NALCN: variants seen among roughly 807,000 people sequenced by gnomAD.
The protein encoded by NALCN is sodium leak channel NALCN.
NALCN carries 111 observed loss-of-function variants against 225.3 expected under a neutral mutation model. That is an observed-to-expected ratio of 0.49 (90% CI 0.42 to 0.58). The LOEUF (loss-of-function observed/expected upper bound fraction) is 0.58, where lower values mean the gene tolerates loss of function less well. Ranked by LOEUF, NALCN falls within the 20% of genes least tolerant of loss-of-function variation. The probability of loss-of-function intolerance (pLI) is 0.00; values close to 1 mark genes in which losing one functional copy is unlikely to be tolerated. For synonymous variants in NALCN, 764 were observed against 769.0 expected (o/e 0.99, Z 0.11); for missense variants, 1,378 against 2,202.4 (o/e 0.63, Z 7.49).
intron 27 of NALCN, among the ~76,000 whole-genome samples, chr13:101,099,446 G>A (rs1292727138): frequency 3.3e-5 from 5 of 151,860 alleles, no homozygotes; most frequent in Non-Finnish European, 7.4e-5. Flanking sequence ...AGCCATATTT[G>A]CTAGAAATAA....
chr13:101,058,001 C>T lies in NALCN; in HGVS notation c.4961G>A (p.Arg1654Gln), dbSNP rs199629052. 93 of 1,613,830 alleles carry T rather than the reference C, an allele frequency of 5.8e-5. No homozygotes were observed. The Middle Eastern group carries it at 6.6e-4, about 11-fold the overall frequency. The change falls in exon 43 of 44, where the codon CGG becomes CAG. Residue 1654 changes from arginine (R) to glutamine (Q), a missense_variant. Arg to Gln is a conservative substitution (Grantham distance 43). Around this residue, in one of 19 missense-constraint regions of NALCN, gnomAD observed 145 missense variants for 169.6 expected, o/e 0.85. Transcript: ENST00000251127. ...SPTLSDRGGS[R>Q]QDAADAGKPQ... is the part of the protein sequence containing the mutation. The stretch of plus-strand genomic sequence containing the variant: ...TTTCCCTGCGTCGGCTGCATCTTGC[C>T]GACTTCCTCCTCGATCCGACAGCGT...
intron 13 of NALCN, among the ~76,000 whole-genome samples, chr13:101,216,548 A>G (rs1413952264): frequency 6.6e-6 from 1 of 152,148 alleles, no homozygotes; most frequent in African/African-American, 2.4e-5. Context: ...ATTTCATGAT[A>G]AAATTAAAAA....
At chr13:101,232,364 C>G in intron 12 of NALCN, among the ~76,000 whole-genome samples, 1 of 151,924 alleles carries the variant, frequency 6.6e-6, no homozygotes, top group East Asian at 1.9e-4. Flanking sequence ...AATTTTTAAA[C>G]ATATGTAAGA....
chr13:101,190,762 G>A (rs1334173610), intron 14 of NALCN, among the ~76,000 whole-genome samples: 1 of 152,130 alleles, frequency 6.6e-6, no homozygotes, highest in Non-Finnish European at 1.5e-5. Context: ...TAGATATTTA[G>A]AATTAAAACT....
Position 101,272,457 on chromosome 13 carries a change from T to C in NALCN, c.1134+11476A>G, listed in dbSNP as rs141660112. On this transcript the variant is annotated intron_variant, in intron 10 of 43. Coordinates refer to ENST00000251127, the MANE Select transcript of NALCN (RefSeq NM_052867.4). ...GAAAATTTTTGGCAAATGCCTATCG[T>C]GAATGAAGCAATAGAGAAGAAAGAG... Among the ~76,000 whole-genome samples, 23 of 152,168 alleles carry C rather than the reference T, an allele frequency of 1.5e-4. 1 individual carries two copies. The East Asian group carries it at 4.4e-3, about 29-fold the overall frequency.
chr13:101,332,094 G>A (rs948985851), intron 7 of NALCN, among the ~76,000 whole-genome samples: 1 of 152,130 alleles, frequency 6.6e-6, no homozygotes, highest in Non-Finnish European at 1.5e-5. Flanking sequence ...TAGAAAGCAC[G>A]ATTTAAAGAC....
intron 12 of NALCN, among the ~76,000 whole-genome samples, chr13:101,236,255 A>G (rs1229757723): frequency 6.6e-6 from 1 of 152,226 alleles, no homozygotes; most frequent in Non-Finnish European, 1.5e-5. Context: ...TTAAAAAGTC[A>G]GGAAACAACA....
At chr13:101,282,939 T>A (rs1342546174) in intron 10 of NALCN, among the ~76,000 whole-genome samples, 1 of 152,066 alleles carries the variant, frequency 6.6e-6, no homozygotes, top group Non-Finnish European at 1.5e-5. Context: ...GAAGTCCCTA[T>A]CTGGAGAAAG....
chr13:101,319,626 G>A (rs558266572), intron 7 of NALCN, among the ~76,000 whole-genome samples: 9 of 151,960 alleles, frequency 5.9e-5, no homozygotes, highest in Non-Finnish European at 1.0e-4. Flanking sequence ...TTTATGAAAT[G>A]CATGTGTTTT....
At chr13:101,199,288 TA>T (rs1462582349) in intron 13 of NALCN, among the ~76,000 whole-genome samples, 1 of 148,498 alleles carries the variant, frequency 6.7e-6, no homozygotes, top group African/African-American at 2.5e-5. Context: ...TAAAGTATAA[TA>T]AAAAAAAGAG....
intron 7 of NALCN, among the ~76,000 whole-genome samples, chr13:101,334,801 C>T (rs1038483100): frequency 6.6e-6 from 1 of 151,972 alleles, no homozygotes; most frequent in Non-Finnish European, 1.5e-5. Context: ...GACTGAAAAC[C>T]ACTTAAATGT....
chr13:101,164,216 T>G (rs2139881463), intron 15 of NALCN, among the ~76,000 whole-genome samples: 1 of 152,256 alleles, frequency 6.6e-6, no homozygotes, highest in Middle Eastern at 3.4e-3. Flanking sequence ...GGTACTTCTG[T>G]TTTGAACTGA....
At position 101,095,690 on chromosome 13, in the gene NALCN, A is replaced by T. The variant is rs2139576527; in HGVS notation, c.3163-10T>A. 1 of 1,600,836 alleles carries T rather than the reference A, an allele frequency of 6.2e-7. No homozygotes were observed. The highest frequency in any genetic ancestry group is 2.2e-5 in the East Asian group (1 of 44,718). On this transcript the variant is annotated splice_polypyrimidine_tract_variant and intron_variant, in intron 27 of 43. Transcript: ENST00000251127. ...TGCCATTGCAATCTTCCTAAAGTAGAAAAACAAGAGGAGAGGGGAAACCTG... is the reference window on the plus strand; with the variant it reads ...TGCCATTGCAATCTTCCTAAAGTAGTAAAACAAGAGGAGAGGGGAAACCTG...
At chr13:101,193,529 G>A (rs1010221245) in intron 13 of NALCN, among the ~76,000 whole-genome samples, 1 of 152,104 alleles carries the variant, frequency 6.6e-6, no homozygotes, top group African/African-American at 2.4e-5. Context: ...TTTTTACCTT[G>A]AGTTGATTTT....
rs181364193 is a variant in NALCN at position 101,149,200 on chromosome 13, G to A, written c.1840-4304C>T. On this transcript the variant is annotated intron_variant, in intron 15 of 43. Transcript: ENST00000251127. ...CCCAGCTACTAGGGAGGCTGAGGCA[G>A]GAGAATGGCGTGAACCCGGGAGGTG... Among the ~76,000 whole-genome samples the A allele has an allele frequency of 6.4e-4, 98 of 152,126 alleles. No homozygotes were observed. In the East Asian group the frequency reaches 0.011, roughly 17 times the overall value.
chr13:101,278,546 A>G (rs1319558824), intron 10 of NALCN, among the ~76,000 whole-genome samples: 2 of 148,486 alleles, frequency 1.3e-5, no homozygotes, highest in Non-Finnish European at 3.0e-5. Flanking sequence ...AAAAAAAAAA[A>G]GAATGAGTTT....
At chr13:101,350,419 C>T (rs182571660) in intron 6 of NALCN, among the ~76,000 whole-genome samples, 8 of 152,114 alleles carry the variant, frequency 5.3e-5, no homozygotes, top group Admixed American at 3.9e-4. Flanking sequence ...ATCATTTTCT[C>T]GGGGGAGCCA....
At chr13:101,360,366 G>T (rs2046218868) in intron 6 of NALCN, among the ~76,000 whole-genome samples, 1 of 151,842 alleles carries the variant, frequency 6.6e-6, no homozygotes, top group Admixed American at 6.6e-5. Context: ...CCAAGTAGCT[G>T]GGATCACAGG....
chr13:101,184,992 C>T (rs200929711), intron 14 of NALCN, among the ~76,000 whole-genome samples: 3 of 151,694 alleles, frequency 2.0e-5, no homozygotes, highest in Non-Finnish European at 4.4e-5. Flanking sequence ...TTAATAATTT[C>T]TTATCTTTAA....
Sources: gnomAD v4.1 joint callset for allele counts (sites outside exome capture counted in the v4.1 genomes callset) on GRCh38, gnomAD v4.1.1 for gene constraint, gnomAD v4.1.1 regional missense constraint, MANE v1.5 for transcripts, NCBI Gene and HGNC (gene_info 2026-07-23, HGNC 2026-07-21) for gene names.